SMG5: variants seen among roughly 807,000 people sequenced by gnomAD.
SMG5 encodes SMG5 nonsense mediated mRNA decay factor.
A neutral mutation model predicts 122.9 loss-of-function variants in SMG5; 53 were observed. The ratio of observed to expected loss-of-function variants is 0.43; its 90% CI spans 0.35 to 0.54. SMG5 has a LOEUF of 0.54. Ranked by LOEUF, SMG5 falls within the 20% of genes least tolerant of loss-of-function variation. The pLI is 0.01. For missense variants in SMG5, 1,153 were observed against 1,285.6 expected, an observed-to-expected ratio of 0.90 and a Z score of 1.58; for synonymous variants, 477 against 490.2, an observed-to-expected ratio of 0.97 and a Z score of 0.35.
At chr1:156,283,980 G>A (rs964124167), upstream of SMG5, among the ~76,000 whole-genome samples, 1 of 152,208 alleles carries the variant, frequency 6.6e-6, no homozygotes, top group Non-Finnish European at 1.5e-5. Context: ...TGTCTGCCTA[G>A]CTAATAATTG....
chr1:156,260,581 T>C lies in SMG5; in HGVS notation c.2153A>G (p.Glu718Gly). The C allele has an allele frequency of 6.5e-7, 1 of 1,529,068 alleles. No individual in the cohort carries two copies. The highest frequency in any genetic ancestry group is 1.3e-5 in the South Asian group (1 of 78,528). 94.7% of individuals were successfully genotyped at this position (1,529,068 alleles called of 1,614,324 possible). The part of the protein sequence containing the change: ...PEVQDLLEGC[E>G]LPDLPSSLLL... ...AAGGCTAGAGGGGAGGTCAGGCAGT[T>C]CACAACCTTCAAGAAGATCTTGGAC... Residue 718 changes from glutamate to glycine, a missense_variant, in exon 15 of 22, where the codon GAA becomes GGA. Physicochemically the swap from Glu to Gly is moderately conservative, Grantham distance 98. Transcript: ENST00000361813.
At chr1:156,252,335 A>AG in intron 19 of SMG5, 79 bp downstream of exon 19, 2 of 1,360,778 alleles carry the variant, frequency 1.5e-6, no homozygotes. Context: ...ACCCATAGGG[A>AG]GCAAGGGGCT....
At position 156,250,138 on chromosome 1, in the gene SMG5, C is replaced by T; in HGVS notation, c.*449G>A. 2.8e-6 allele frequency: 1 copy of T among 358,886 alleles called. No homozygotes were observed. Among genetic ancestry groups the T allele is most frequent in the African/African-American group, 2.1e-5 (1 of 46,876 alleles). 22.2% of individuals were successfully genotyped at this position (358,886 alleles called of 1,614,324 possible). On this transcript the variant is annotated 3_prime_UTR_variant, in exon 22 of 22. Transcript: ENST00000361813. ...GGTCTGCAGAGAATCACTCAGACACCAGGTATTACCCAGCTCTTCCCCCAA... is the reference window on the plus strand; with the variant it reads ...GGTCTGCAGAGAATCACTCAGACACTAGGTATTACCCAGCTCTTCCCCCAA...
At chr1:156,265,699 C>A in intron 12 of SMG5, 82 bp downstream of exon 12, 1 of 1,542,942 alleles carries the variant, frequency 6.5e-7, no homozygotes, top group Non-Finnish European at 8.7e-7. Flanking sequence ...GTCATTCACA[C>A]AGATAGGAAA....
At chr1:156,269,484 C>A (rs1662304478) in intron 7 of SMG5, among the ~76,000 whole-genome samples, 1 of 152,076 alleles carries the variant, frequency 6.6e-6, no homozygotes, top group Non-Finnish European at 1.5e-5. Flanking sequence ...GATCTGTAAA[C>A]CCAGCACTTT....
rs1421772120 is a variant in SMG5, at chr1:156,250,685, A to T, written c.2968-15T>A. 2 of 1,613,396 alleles carry T rather than the reference A, an allele frequency of 1.2e-6. No individual in the cohort carries two copies. Among genetic ancestry groups the T allele is most frequent in the Non-Finnish European group, 1.7e-6 (2 of 1,179,434 alleles). On this transcript the variant is annotated splice_polypyrimidine_tract_variant and intron_variant, in intron 21 of 21. Coordinates refer to ENST00000361813, the MANE Select transcript of SMG5 (RefSeq NM_015327.3). Reference sequence around the variant, plus strand: ...TGCAGGGCTGCCTGTGGAATGGGAGAAGGAAAGATGGAGAGGGTCTGACCT... The same window carrying T: ...TGCAGGGCTGCCTGTGGAATGGGAGTAGGAAAGATGGAGAGGGTCTGACCT...
At position 156,250,293 on chromosome 1, in the gene SMG5, A is replaced by C; in HGVS notation, c.*294T>G. ...CAGTGAAATGCAGGTACCCATGCCT[A>C]CCACCTGCCCCTGGAGACAGCAGGG... On this transcript the variant is annotated 3_prime_UTR_variant, in exon 22 of 22. Transcript: ENST00000361813. 2.3e-6 allele frequency: 1 copy of C among 439,976 alleles called. No homozygotes were observed. Among genetic ancestry groups the C allele is most frequent in the Non-Finnish European group, 4.2e-6 (1 of 238,820 alleles). 27.3% of individuals were successfully genotyped at this position (439,976 alleles called of 1,614,324 possible). A position where few individuals can be genotyped will look rare whatever the true frequency, so the allele number is the denominator to read the frequency against.
chr1:156,286,610 C>A (rs1663170953), upstream of SMG5: 3 of 824,564 alleles, frequency 3.6e-6, no homozygotes, highest in East Asian at 7.7e-5. Context: ...GGAGATAAGT[C>A]CACCTTCTCT....
chr1:156,280,043 G>C (rs957996430), intron 1 of SMG5, among the ~76,000 whole-genome samples: 1 of 152,168 alleles, frequency 6.6e-6, no homozygotes, highest in Admixed American at 6.5e-5. Context: ...ACAGTGACTG[G>C]TATATAGTAA....
Position 156,250,937 on chromosome 1 carries a change from T to C in SMG5, c.2888A>G (p.Glu963Gly). 1 of 1,613,954 alleles carries C rather than the reference T, an allele frequency of 6.2e-7. No individual in the cohort carries two copies. ...KQLTLAQGAG[E>G]EDPSGMVTII... ...GGTCACCATGCCACTCGGATCCTCC[T>C]CACCTGCCCCCTGGGCCAGAGTCAG... The change falls in exon 21 of 22, where the codon GAG becomes GGG. Residue 963 changes from glutamate to glycine, a missense_variant. Glu to Gly is a moderately conservative substitution (Grantham distance 98). Transcript: ENST00000361813.
intron 12 of SMG5, 133 bp downstream of exon 12, chr1:156,265,648 C>T (rs1363475171): frequency 7.4e-7 from 1 of 1,349,562 alleles, no homozygotes; most frequent in Non-Finnish European, 1.0e-6. Context: ...TCATGGGCTA[C>T]ACCACAGGCA....
chr1:156,266,721 T>G, intron 10 of SMG5, 43 bp from the exon 11 acceptor site: 1 of 1,611,162 alleles, frequency 6.2e-7, no homozygotes, highest in Non-Finnish European at 8.5e-7. Context: ...AGGGCCCTGA[T>G]GAGGAGTAGG....
chr1:156,268,349 G>T lies in SMG5; in HGVS notation c.780C>A (p.Ala260=). 1 of 1,614,202 alleles carries T rather than the reference G, an allele frequency of 6.2e-7. No individual in the cohort carries two copies. The change falls in exon 8 of 22, where the codon GCC becomes GCA. Residue 260 remains alanine (A), a synonymous_variant. Coordinates refer to ENST00000361813, the MANE Select transcript of SMG5 (RefSeq NM_015327.3). ...ACTTCTTCAGTTGGTGGTACATTTTGGCTGCCTTGTCATACAGCCGCTTGA... is the reference window on the plus strand; with the variant it reads ...ACTTCTTCAGTTGGTGGTACATTTTTGCTGCCTTGTCATACAGCCGCTTGA... ...GNLKRLYDKA[A]KMYHQLKKCE... is the part of the protein sequence containing the mutation.
At chr1:156,272,239 G>C in intron 7 of SMG5, 81 bp downstream of exon 7, 1 of 1,255,332 alleles carries the variant, frequency 8.0e-7, no homozygotes, top group African/African-American at 1.5e-5. Flanking sequence ...GCTAGAGGAA[G>C]GAGGAAGGGA....
At chr1:156,276,556 A>G (rs1464475956) in intron 4 of SMG5, among the ~76,000 whole-genome samples, 1 of 152,198 alleles carries the variant, frequency 6.6e-6, no homozygotes, top group African/African-American at 2.4e-5. Flanking sequence ...GGACAGAGAG[A>G]GCAGAGAGAG....
rs763457378 is a variant in SMG5 at position 156,277,219 on chromosome 1, A to G, written c.320T>C (p.Leu107Ser). The G allele has an allele frequency of 6.2e-7, 1 of 1,613,582 alleles. No homozygotes were observed. ...NKKHIHSRST[L>S]ECAYRTHLVA... ...CAGGTGCGTCCTGTAGGCACATTCC[A>G]AAGTGCTCCGGCTGTGGATGTGCTA... The change falls in exon 4 of 22, where the codon TTG (leucine) becomes TCG (serine). Residue 107 changes from leucine to serine, a missense_variant. By Grantham distance (145) the Leu-to-Ser change is moderately radical. Around this residue, in one of 5 missense-constraint regions of SMG5, gnomAD observed 213 missense variants for 197.5 expected, o/e 1.08. Coordinates refer to ENST00000361813, the MANE Select transcript of SMG5 (RefSeq NM_015327.3).
intron 5 of SMG5, 149 bp from the exon 6 acceptor site, chr1:156,273,599 C>T: frequency 1.5e-6 from 1 of 682,822 alleles, no homozygotes; most frequent in Non-Finnish European, 2.6e-6. Flanking sequence ...GTCTCTGGCA[C>T]AGTCCTAAAT....
chr1:156,266,854 G>A (rs1404602577), intron 10 of SMG5, among the ~76,000 whole-genome samples, 176 bp from the exon 11 acceptor site: 1 of 151,106 alleles, frequency 6.6e-6, no homozygotes, highest in Non-Finnish European at 1.5e-5. Flanking sequence ...ATGTTGCCCA[G>A]GCTGGGTCTT....
At chr1:156,268,555 C>G (rs1310933357) in intron 7 of SMG5, 140 bp from the exon 8 acceptor site, 1 of 1,060,930 alleles carries the variant, frequency 9.4e-7, no homozygotes, top group East Asian at 2.4e-5. Flanking sequence ...GGGTAAAAGG[C>G]TCATGAGCTA....
Sources: allele counts gnomAD v4.1 joint callset (sites outside exome capture counted in the v4.1 genomes callset), GRCh38; gene constraint gnomAD v4.1.1; regional missense constraint gnomAD v4.1.1; transcripts MANE v1.5; gene names NCBI Gene and HGNC (gene_info 2026-07-23, HGNC 2026-07-21).